Variants in SIGLEC15 observed in about 807,000 individuals in gnomAD.
SIGLEC15 encodes sialic acid-binding Ig-like lectin 15.
In SIGLEC15, 31 loss-of-function variants were observed where a neutral mutation model predicts 26.2. That is an observed-to-expected ratio of 1.18 (90% CI 0.89 to 1.60). The LOEUF is 1.60. Ranked by LOEUF, SIGLEC15 falls within the 40% of genes most tolerant of loss-of-function variation. The pLI, the probability that SIGLEC15 is intolerant of heterozygous loss-of-function variation, is 0.00. For missense variants in SIGLEC15, 501 were observed against 488.4 expected, an observed-to-expected ratio of 1.03 and a Z score of -0.24; for synonymous variants, 207 against 221.9, an observed-to-expected ratio of 0.93 and a Z score of 0.60.
chr18:45,840,349 G>A, intron 5 of SIGLEC15, 108 bp downstream of exon 5: 2 of 1,292,050 alleles, frequency 1.5e-6, no homozygotes, highest in South Asian at 1.5e-5. Flanking sequence ...TGGGGCTGGG[G>A]TCCTACTTTG....
At chr18:45,838,490 A>C in intron 3 of SIGLEC15, 1 of 613,064 alleles carries the variant, frequency 1.6e-6, no homozygotes, top group Admixed American at 3.8e-5. Flanking sequence ...TCTTTTCAGC[A>C]ACCTCTTAAG....
chr18:45,837,732 A>T lies in SIGLEC15; in HGVS notation c.332A>T (p.His111Leu). Residue 111 changes from histidine (H) to leucine (L), a missense_variant, in exon 3 of 6, where the codon CAC (histidine) becomes CTC (leucine). By Grantham distance (99) the His-to-Leu change is moderately conservative. Coordinates refer to ENST00000389474, the MANE Select transcript of SIGLEC15 (RefSeq NM_213602.3). The part of the protein sequence containing the change: ...SELCQTALSL[H>L]GRFRLLGNPR... ...CTCTGCCAGACGGCGCTGAGCCTGC[A>T]CGGCCGCTTCCGGCTGCTGGGCAAC... The T allele has an allele frequency of 4.0e-6, 6 of 1,506,318 alleles. No individual in the cohort carries two copies. Among genetic ancestry groups the T allele is most frequent in the Non-Finnish European group, 5.3e-6 (6 of 1,135,878 alleles). The allele number at this position is 1,506,318 out of a possible 1,614,324, so 93.3% of individuals were successfully genotyped here.
intron 1 of SIGLEC15, among the ~76,000 whole-genome samples, chr18:45,833,945 A>G (rs899878679): frequency 4.6e-5 from 7 of 152,194 alleles, no homozygotes; most frequent in Non-Finnish European, 1.0e-4. Flanking sequence ...CCATGGCAAC[A>G]TGACACATGA....
intron 1 of SIGLEC15, among the ~76,000 whole-genome samples, chr18:45,832,395 G>A (rs574270515): frequency 2.4e-5 from 3 of 126,516 alleles, no homozygotes; most frequent in African/African-American, 9.1e-5. Flanking sequence ...AGCCTAGGAC[G>A]TGCCAGGCAC....
intron 5 of SIGLEC15, among the ~76,000 whole-genome samples, chr18:45,840,551 C>A (rs536272942): frequency 6.6e-6 from 1 of 152,342 alleles, no homozygotes; most frequent in South Asian, 2.1e-4. Flanking sequence ...GGACACTCAT[C>A]CCCGTTCCCC....
At chr18:45,833,590 G>A (rs755527860) in intron 1 of SIGLEC15, among the ~76,000 whole-genome samples, 4 of 152,180 alleles carry the variant, frequency 2.6e-5, no homozygotes, top group Non-Finnish European at 4.4e-5. Flanking sequence ...TGGAATTACA[G>A]GCATGAGCCA....
At chr18:45,827,940 C>T (rs2048199287) in intron 1 of SIGLEC15, among the ~76,000 whole-genome samples, 1 of 152,234 alleles carries the variant, frequency 6.6e-6, no homozygotes, top group Non-Finnish European at 1.5e-5. Context: ...TTACTGAGTG[C>T]AGCCAAGCCA....
At position 45,842,215 on chromosome 18, in the gene SIGLEC15, T is replaced by C. The variant is rs758521924; in HGVS notation, c.*28T>C. 6.2e-7 allele frequency: 1 copy of C among 1,612,600 alleles called. No individual in the cohort carries two copies. Among genetic ancestry groups the C allele is most frequent in the African/African-American group, 1.3e-5 (1 of 74,966 alleles). On this transcript the variant is annotated 3_prime_UTR_variant, in exon 6 of 6. Coordinates refer to ENST00000389474, the MANE Select transcript of SIGLEC15 (RefSeq NM_213602.3). Reference sequence around the variant, plus strand: ...AGTCCCTCAGCCACCAACATCCATTTCAGCACTGTAAAGAACAAAGGCCAG... The same window carrying C: ...AGTCCCTCAGCCACCAACATCCATTCCAGCACTGTAAAGAACAAAGGCCAG...
intron 4 of SIGLEC15, 136 bp downstream of exon 4, chr18:45,839,231 C>A: frequency 8.2e-7 from 1 of 1,214,796 alleles, no homozygotes; most frequent in Non-Finnish European, 1.1e-6. Context: ...GCGCTTTCCT[C>A]TCTTTGCATG....
intron 1 of SIGLEC15, among the ~76,000 whole-genome samples, chr18:45,836,092 G>A (rs1045951892): frequency 6.6e-6 from 1 of 152,228 alleles, no homozygotes; most frequent in African/African-American, 2.4e-5. Context: ...CCCCATGGAG[G>A]ATGGTCTGCC....
intron 1 of SIGLEC15, among the ~76,000 whole-genome samples, chr18:45,829,339 C>CT (rs774351312): frequency 6.6e-6 from 1 of 152,224 alleles, no homozygotes; most frequent in African/African-American, 2.4e-5. Flanking sequence ...CTGGTTTGTG[C>CT]TGACAGTTGG....
At chr18:45,840,459 C>T (rs1002750734) in intron 5 of SIGLEC15, among the ~76,000 whole-genome samples, 1 of 152,216 alleles carries the variant, frequency 6.6e-6, no homozygotes, top group South Asian at 2.1e-4. Flanking sequence ...CTGCTCCTCC[C>T]CCACGACTCC....
chr18:45,840,554 C>T (rs1409736108), intron 5 of SIGLEC15, among the ~76,000 whole-genome samples: 2 of 152,210 alleles, frequency 1.3e-5, no homozygotes, highest in Non-Finnish European at 2.9e-5. Flanking sequence ...CACTCATCCC[C>T]GTTCCCCCCT....
chr18:45,838,632 A>G (rs1599396520), intron 3 of SIGLEC15, 86 bp from the exon 4 acceptor site: 2 of 1,432,212 alleles, frequency 1.4e-6, no homozygotes. Flanking sequence ...CTCCCTTCTG[A>G]CCAGCCCCCA....
intron 1 of SIGLEC15, chr18:45,829,304 A>C: frequency 3.7e-6 from 1 of 267,442 alleles, no homozygotes; most frequent in Non-Finnish European, 5.8e-6. Context: ...CTCACACCTC[A>C]CCCCTTCCCG....
At chr18:45,828,263 G>A (rs754751220) in intron 1 of SIGLEC15, among the ~76,000 whole-genome samples, 1 of 152,166 alleles carries the variant, frequency 6.6e-6, no homozygotes, top group Non-Finnish European at 1.5e-5. Context: ...AGAAAAGTGG[G>A]AAGCATTTGT....
rs982041216 is a variant in SIGLEC15, at chr18:45,837,058, A to C, written c.82A>C (p.Thr28Pro). 3.8e-6 allele frequency: 6 copies of C among 1,564,732 alleles called. No individual in the cohort carries two copies. The African/African-American group carries it at 6.8e-5, about 18-fold the overall frequency. ...ATTTGTGAGAACTAAAATAGATACT[A>C]CGGAGAACTTGCTCAACACAGAGGT... The part of the protein sequence containing the change: ...GSFVRTKIDT[T>P]ENLLNTEVHS... Residue 28 changes from threonine to proline, a missense_variant, in exon 2 of 6, where the codon ACG becomes CCG. Transcript: ENST00000389474.
At chr18:45,837,950 C>G (rs2048290451) in intron 3 of SIGLEC15, 54 bp downstream of exon 3, 5 of 1,428,314 alleles carry the variant, frequency 3.5e-6, no homozygotes, top group Admixed American at 2.9e-5. Flanking sequence ...TCCCGCCTGC[C>G]CCGCCCCAAG....
chr18:45,842,362 G>A lies in SIGLEC15; in HGVS notation c.*175G>A, dbSNP rs2145088216. 2 of 626,404 alleles carry A rather than the reference G, an allele frequency of 3.2e-6. No homozygotes were observed. Among genetic ancestry groups the A allele is most frequent in the Non-Finnish European group, 5.6e-6 (2 of 356,480 alleles). The allele number at this position is 626,404 out of a possible 1,614,324, so 38.8% of individuals were successfully genotyped here. On this transcript the variant is annotated 3_prime_UTR_variant, in exon 6 of 6. Transcript: ENST00000389474. ...CAAGGAGGCTCATCTGGCCTCCTAT[G>A]TGGACAACCATTTCGGAGCTCCCTG...
Sources: gnomAD v4.1 joint callset for allele counts (sites outside exome capture counted in the v4.1 genomes callset) on GRCh38, gnomAD v4.1.1 for gene constraint, MANE v1.5 for transcripts, NCBI Gene and HGNC (gene_info 2026-07-23, HGNC 2026-07-21) for gene names.